The following MCTP1 variants were observed in gnomAD, a reference collection of about 807,000 sequenced individuals.
The protein encoded by MCTP1 is multiple C2 and transmembrane domain-containing protein 1.
Under a neutral mutation model 120.6 loss-of-function variants are expected in MCTP1, and 69 were observed. The ratio of observed to expected loss-of-function variants is 0.57; its 90% CI spans 0.47 to 0.70. The LOEUF is 0.70. Ranked by LOEUF, MCTP1 falls within the 30% of genes least tolerant of loss-of-function variation. The pLI, the probability that MCTP1 is intolerant of heterozygous loss-of-function variation, is 0.00. For synonymous variants in MCTP1, 529 were observed against 493.1 expected, an observed-to-expected ratio of 1.07 and a Z score of -0.96; for missense variants, 1,203 against 1,248.8, an observed-to-expected ratio of 0.96 and a Z score of 0.55.
chr5:94,859,587 A>G (rs1478805260), intron 17 of MCTP1, among the ~76,000 whole-genome samples: 1 of 151,782 alleles, frequency 6.6e-6, no homozygotes, highest in Non-Finnish European at 1.5e-5. Context: ...TTTTGTGTTA[A>G]TTAAACATAA....
chr5:95,028,606 C>T (rs1235587595), intron 1 of MCTP1, among the ~76,000 whole-genome samples: 1 of 152,122 alleles, frequency 6.6e-6, no homozygotes, highest in African/African-American at 2.4e-5. Context: ...AACCTTTCCG[C>T]CTACACATAC....
chr5:95,081,204 T>C (rs1754844843), intron 1 of MCTP1, among the ~76,000 whole-genome samples: 1 of 152,198 alleles, frequency 6.6e-6, no homozygotes, highest in East Asian at 1.9e-4. Flanking sequence ...TCAGGCACTA[T>C]ATTTTTCATA....
At chr5:94,928,209 AACACAC>A (rs60502360) in intron 6 of MCTP1, among the ~76,000 whole-genome samples, 2,486 of 148,530 alleles carry the variant, frequency 0.017, 33 homozygotes, top group African/African-American at 0.042. Context: ...TCTAGGTTAA[AACACAC>A]ACACACACAC....
intron 19 of MCTP1, among the ~76,000 whole-genome samples, chr5:94,724,274 C>T (rs1459963689): frequency 6.6e-6 from 1 of 152,114 alleles, no homozygotes; most frequent in African/African-American, 2.4e-5. Flanking sequence ...GAGATGAGGT[C>T]TCGCTTTGTT....
At chr5:94,707,855 C>T (rs541250043) in intron 22 of MCTP1, among the ~76,000 whole-genome samples, 2 of 151,456 alleles carry the variant, frequency 1.3e-5, no homozygotes, top group East Asian at 2.0e-4. Context: ...TTAAAGGGCT[C>T]GATAATGGTT....
intron 1 of MCTP1, among the ~76,000 whole-genome samples, chr5:95,221,150 A>G (rs1427049085): frequency 6.6e-6 from 1 of 152,250 alleles, no homozygotes; most frequent in Admixed American, 6.5e-5. Context: ...TTTGAAACAA[A>G]CTAACATGCC....
intron 1 of MCTP1, among the ~76,000 whole-genome samples, chr5:95,064,011 C>T (rs972186999): frequency 2.0e-5 from 3 of 152,200 alleles, no homozygotes; most frequent in African/African-American, 7.2e-5. Flanking sequence ...TGAAAGCTTA[C>T]TGTGGGATCA....
chr5:94,945,969 G>A (rs934295835), intron 3 of MCTP1, among the ~76,000 whole-genome samples: 9 of 152,180 alleles, frequency 5.9e-5, no homozygotes, highest in African/African-American at 1.7e-4. Flanking sequence ...AGGCCGTGGG[G>A]CCTACCATCA....
In MCTP1 at chr5:94,815,288, A is replaced by G. The variant is rs367857278; in HGVS notation, c.2437-16156T>C. ...TACAAAACATTTCTTAATATTTTTCATGATAAAGCTTAATACATGTGTTTG... is the reference window on the plus strand; with the variant it reads ...TACAAAACATTTCTTAATATTTTTCGTGATAAAGCTTAATACATGTGTTTG... On this transcript the variant is annotated intron_variant, in intron 17 of 22. Transcript: ENST00000515393. 6.6e-5 allele frequency among the ~76,000 whole-genome samples: 10 copies of G among 152,322 alleles called. No homozygotes were observed. In the East Asian group the frequency reaches 1.7e-3, roughly 26 times the overall value.
chr5:95,048,248 C>T (rs761336006), intron 1 of MCTP1, among the ~76,000 whole-genome samples: 28 of 152,022 alleles, frequency 1.8e-4, no homozygotes, highest in Middle Eastern at 6.8e-3. Context: ...ATAAAAATGG[C>T]AAGGAAAATG....
chr5:95,041,728 A>T (rs532067211), intron 1 of MCTP1, among the ~76,000 whole-genome samples: 10 of 152,182 alleles, frequency 6.6e-5, no homozygotes, highest in Non-Finnish European at 1.2e-4. Context: ...TACTGCCTTT[A>T]TATCAGTTAA....
At chr5:95,052,086 A>C (rs549300768) in intron 1 of MCTP1, among the ~76,000 whole-genome samples, 1 of 152,352 alleles carries the variant, frequency 6.6e-6, no homozygotes, top group South Asian at 2.1e-4. Flanking sequence ...GTATCCTAAA[A>C]GCAAAGCAAT....
At chr5:94,720,107 CAA>C (rs1163235741) in intron 19 of MCTP1, among the ~76,000 whole-genome samples, 16 of 151,388 alleles carry the variant, frequency 1.1e-4, no homozygotes, top group Non-Finnish European at 5.9e-5. Context: ...GCCTGGGCAA[CAA>C]GAGCGAAACT....
chr5:94,893,572 A>T (rs1431795148), intron 11 of MCTP1, among the ~76,000 whole-genome samples: 3 of 152,248 alleles, frequency 2.0e-5, no homozygotes, highest in African/African-American at 7.2e-5. Context: ...TACAAGCATT[A>T]GCAGACAGCT....
chr5:94,761,330 G>C (rs552545186), intron 19 of MCTP1, among the ~76,000 whole-genome samples: 2 of 152,316 alleles, frequency 1.3e-5, no homozygotes, highest in South Asian at 4.1e-4. Flanking sequence ...AGCTAGCTTT[G>C]AGGGAGAGCT....
chr5:94,990,694 C>A (rs1012269049), intron 2 of MCTP1, among the ~76,000 whole-genome samples: 4 of 152,208 alleles, frequency 2.6e-5, no homozygotes, highest in African/African-American at 9.6e-5. Context: ...CAGATTCTAT[C>A]CACTCTGAAG....
At chr5:94,829,094 G>A (rs372833734) in intron 17 of MCTP1, among the ~76,000 whole-genome samples, 1 of 152,196 alleles carries the variant, frequency 6.6e-6, no homozygotes, top group Non-Finnish European at 1.5e-5. Flanking sequence ...GGGCCCTGGC[G>A]GTGTAGGCAC....
chr5:94,868,231 A>G, intron 17 of MCTP1, 102 bp downstream of exon 17: 1 of 1,176,792 alleles, frequency 8.5e-7, no homozygotes, highest in South Asian at 2.5e-5. Flanking sequence ...AGGAGTTTTA[A>G]AATGGCCACA....
In MCTP1 at chr5:94,705,400, G is replaced by A. The variant is rs1260123489; in HGVS notation, c.*2096C>T. The A allele has an allele frequency of 6.7e-5, 10 of 150,268 alleles. No individual in the cohort carries two copies. Among genetic ancestry groups the A allele is most frequent in the African/African-American group, 2.0e-4 (8 of 40,870 alleles). The allele number at this position is 150,268 out of a possible 1,614,324, so 9.3% of individuals were successfully genotyped here. A position where few individuals can be genotyped will look rare whatever the true frequency, so the allele number is the denominator to read the frequency against. On this transcript the variant is annotated 3_prime_UTR_variant, in exon 23 of 23. Transcript: ENST00000515393. ...CAGAGGTATTTTCATATAAGAGTCA[G>A]AGTTTCAGGAAAAAGGTCTTATTTG...
Sources: gnomAD v4.1 joint callset for allele counts (sites outside exome capture counted in the v4.1 genomes callset) on GRCh38, gnomAD v4.1.1 for gene constraint, MANE v1.5 for transcripts, NCBI Gene and HGNC (gene_info 2026-07-23, HGNC 2026-07-21) for gene names.